The following FRMPD1 variants were observed in gnomAD, a reference collection of about 807,000 sequenced individuals.
The protein encoded by FRMPD1 is FERM and PDZ domain containing 1, also known as FERM and PDZ domain-containing protein 1.
A neutral mutation model predicts 117.8 loss-of-function variants in FRMPD1; 76 were observed. The ratio of observed to expected loss-of-function variants is 0.65; its 90% CI spans 0.54 to 0.78. The LOEUF is 0.78. FRMPD1 is among the 30% of genes least tolerant of loss of function. The pLI is 0.00. For synonymous variants in FRMPD1, 783 were observed against 770.4 expected (o/e 1.02, Z -0.27); for missense variants, 1,786 against 1,964.5 (o/e 0.91, Z 1.72).
chr9:37,729,937 C>T, intron 8 of FRMPD1, 84 bp downstream of exon 8: 6 of 1,414,476 alleles, frequency 4.2e-6, no homozygotes, highest in Non-Finnish European at 5.8e-6. Flanking sequence ...GGACAGGGCT[C>T]AGCACATCTG....
intron 2 of FRMPD1, among the ~76,000 whole-genome samples, chr9:37,698,021 A>G (rs1004409584): frequency 1.1e-4 from 16 of 152,236 alleles, no homozygotes; most frequent in African/African-American, 3.6e-4. Flanking sequence ...AGGCTGAGGC[A>G]GGAGAATCTC....
intron 14 of FRMPD1, among the ~76,000 whole-genome samples, chr9:37,737,846 A>AAAAAAAAT (rs1824206409): frequency 6.8e-6 from 1 of 147,958 alleles, no homozygotes; most frequent in African/African-American, 2.5e-5. Flanking sequence ...AAAAAAAAAA[A>AAAAAAAAT]GATTATCATT....
chr9:37,686,234 A>G (rs948140683), intron 1 of FRMPD1, among the ~76,000 whole-genome samples: 8 of 152,234 alleles, frequency 5.3e-5, no homozygotes, highest in African/African-American at 1.9e-4. Context: ...GTTTGAATCC[A>G]GAAAAGAAGC....
At chr9:37,677,743 C>G (rs911283370) in intron 1 of FRMPD1, among the ~76,000 whole-genome samples, 1 of 152,198 alleles carries the variant, frequency 6.6e-6, no homozygotes, top group Non-Finnish European at 1.5e-5. Flanking sequence ...GACGTGACCA[C>G]CAAACAAGAT....
At chr9:37,683,161 T>C (rs76155273) in intron 1 of FRMPD1, among the ~76,000 whole-genome samples, 2,622 of 152,328 alleles carry the variant, frequency 0.017, 34 homozygotes, top group Middle Eastern at 0.048. Context: ...GCCTTTTGTA[T>C]CTGGCTTCTT....
At chr9:37,724,813 C>T (rs1823552622) in intron 7 of FRMPD1, among the ~76,000 whole-genome samples, 1 of 152,184 alleles carries the variant, frequency 6.6e-6, no homozygotes, top group African/African-American at 2.4e-5. Context: ...TGGTCTCGAT[C>T]TTCAGGAGCT....
At chr9:37,682,417 G>A (rs373597706) in intron 1 of FRMPD1, among the ~76,000 whole-genome samples, 1 of 152,208 alleles carries the variant, frequency 6.6e-6, no homozygotes, top group Non-Finnish European at 1.5e-5. Flanking sequence ...TTAGGGATGG[G>A]GATCCCTGGA....
chr9:37,669,297 T>C (rs1821268690), intron 1 of FRMPD1, among the ~76,000 whole-genome samples: 1 of 152,224 alleles, frequency 6.6e-6, no homozygotes, highest in South Asian at 2.1e-4. Context: ...CTTGATTCCT[T>C]TGATGGTCTG....
intron 1 of FRMPD1, among the ~76,000 whole-genome samples, chr9:37,673,471 G>A (rs527661875): frequency 1.3e-5 from 2 of 152,344 alleles, no homozygotes; most frequent in Admixed American, 6.5e-5. Context: ...TAGGCTCCTG[G>A]TGCAAGCTGT....
the FRMPD1 span, among the ~76,000 whole-genome samples, chr9:37,607,879 A>T: frequency 9.2e-5 from 14 of 152,222 alleles, no homozygotes; most frequent in African/African-American, 3.4e-4. Context: ...CCAACATAAA[A>T]CAGCTAAAGA....
chr9:37,683,075 AT>A (rs1821785086), intron 1 of FRMPD1, among the ~76,000 whole-genome samples: 2 of 152,258 alleles, frequency 1.3e-5, no homozygotes, highest in South Asian at 4.2e-4. Flanking sequence ...CCACTAATCA[AT>A]TTTCTATCTC....
chr9:37,675,554 A>G (rs1166034691), intron 1 of FRMPD1, among the ~76,000 whole-genome samples: 1 of 151,740 alleles, frequency 6.6e-6, no homozygotes, highest in Non-Finnish European at 1.5e-5. Flanking sequence ...ATATGGGGGG[A>G]GGGTACAAAG....
chr9:37,603,276 C>T, the FRMPD1 span, among the ~76,000 whole-genome samples: 2 of 152,166 alleles, frequency 1.3e-5, no homozygotes, highest in African/African-American at 4.8e-5. Context: ...ACAGTCTCTT[C>T]CAGGATTGAT....
At chr9:37,733,641 T>C (rs1183519819) in intron 11 of FRMPD1, 42 bp downstream of exon 11, 1 of 1,611,094 alleles carries the variant, frequency 6.2e-7, no homozygotes, top group African/African-American at 1.3e-5. Flanking sequence ...CTGTCGTCTG[T>C]GAAACCTTAG....
At chr9:37,694,692 A>G (rs1822258676) in intron 2 of FRMPD1, among the ~76,000 whole-genome samples, 1 of 152,116 alleles carries the variant, frequency 6.6e-6, no homozygotes, top group Non-Finnish European at 1.5e-5. Context: ...GCGTGCCACC[A>G]TGCTACTGTC....
At chr9:37,662,447 T>G (rs1463610036) in intron 1 of FRMPD1, among the ~76,000 whole-genome samples, 2 of 152,290 alleles carry the variant, frequency 1.3e-5, no homozygotes, top group East Asian at 1.9e-4. Context: ...GGAGTTACAG[T>G]CCTTGGCCTT....
At chr9:37,651,835 CTCTT>C (rs754168259) in intron 1 of FRMPD1, among the ~76,000 whole-genome samples, 1 of 152,244 alleles carries the variant, frequency 6.6e-6, no homozygotes, top group Non-Finnish European at 1.5e-5. Context: ...TGTTCGCTGT[CTCTT>C]TCAGCTGTAA....
intron 1 of FRMPD1, among the ~76,000 whole-genome samples, chr9:37,654,924 C>T (rs899102232): frequency 3.3e-5 from 5 of 152,174 alleles, no homozygotes; most frequent in African/African-American, 4.8e-5. Context: ...TGCTGCTGCT[C>T]CTGCTACAAC....
chr9:37,679,558 TA>T (rs1157178633), intron 1 of FRMPD1, among the ~76,000 whole-genome samples: 1 of 152,246 alleles, frequency 6.6e-6, no homozygotes, highest in Non-Finnish European at 1.5e-5. Context: ...AAGCAACCGC[TA>T]ATCTCTTTTC....
Sources: allele counts gnomAD v4.1 joint callset (sites outside exome capture counted in the v4.1 genomes callset), GRCh38; gene constraint gnomAD v4.1.1; transcripts MANE v1.5; gene names NCBI Gene and HGNC (gene_info 2026-07-23, HGNC 2026-07-21).